Variants in ZRANB3 observed in about 807,000 individuals in gnomAD.
The protein encoded by ZRANB3 is zinc finger RANBP2-type containing 3.
A neutral mutation model predicts 133.8 loss-of-function variants in ZRANB3; 125 were observed. The observed-to-expected ratio is 0.93, with a 90% CI of 0.81 to 1.08. The LOEUF is 1.08. Among genes scored for constraint, ZRANB3 ranks in the 50% least tolerant of loss-of-function variants. The pLI is 0.00. For missense variants in ZRANB3, 1,229 were observed against 1,275.5 expected (o/e 0.96, Z 0.56); for synonymous variants, 387 against 432.7 (o/e 0.89, Z 1.31).
intron 3 of ZRANB3, among the ~76,000 whole-genome samples, chr2:135,371,283 G>A (rs1686166805): frequency 6.6e-6 from 1 of 152,172 alleles, no homozygotes; most frequent in Non-Finnish European, 1.5e-5. Context: ...TGGTAGGAAT[G>A]TTTGCAACAT....
intron 6 of ZRANB3, among the ~76,000 whole-genome samples, chr2:135,325,891 T>C (rs1220524518): frequency 6.6e-6 from 1 of 152,098 alleles, no homozygotes; most frequent in African/African-American, 2.4e-5. Flanking sequence ...TAGATCTAAA[T>C]ACGAACATGG....
intron 12 of ZRANB3, among the ~76,000 whole-genome samples, chr2:135,262,362 A>G (rs953275690): frequency 6.6e-6 from 1 of 152,136 alleles, no homozygotes; most frequent in Non-Finnish European, 1.5e-5. Context: ...TAAACTTCAC[A>G]TTAAATTTTT....
intron 11 of ZRANB3, among the ~76,000 whole-genome samples, chr2:135,266,491 G>A (rs1680256124): frequency 6.6e-6 from 1 of 152,138 alleles, no homozygotes; most frequent in Non-Finnish European, 1.5e-5. Context: ...AAGAGGCCAG[G>A]AGCGGTGGCT....
intron 12 of ZRANB3, among the ~76,000 whole-genome samples, chr2:135,257,754 T>C (rs1475395893): frequency 6.6e-6 from 1 of 152,138 alleles, no homozygotes; most frequent in Non-Finnish European, 1.5e-5. Flanking sequence ...CAAATTGAAG[T>C]TTTTCAATGT....
intron 13 of ZRANB3, 22 bp downstream of exon 13, chr2:135,230,491 T>A: frequency 6.8e-7 from 1 of 1,473,818 alleles, no homozygotes; most frequent in Non-Finnish European, 9.0e-7. Flanking sequence ...CTTACCTCCA[T>A]GGTCACCTTC....
intron 8 of ZRANB3, among the ~76,000 whole-genome samples, chr2:135,289,370 C>T (rs1172603095): frequency 6.6e-6 from 1 of 152,114 alleles, no homozygotes; most frequent in Admixed American, 6.5e-5. Context: ...ATTCTCCTGC[C>T]TCAGCCTCCC....
chr2:135,458,875 AAATTAT>A (rs1275097658), intron 2 of ZRANB3, among the ~76,000 whole-genome samples: 6 of 152,158 alleles, frequency 3.9e-5, no homozygotes, highest in African/African-American at 1.4e-4. Context: ...AAATATTCCC[AAATTAT>A]AAAAAGGGAC....
At chr2:135,269,887 G>A (rs556976963) in intron 10 of ZRANB3, among the ~76,000 whole-genome samples, 22 of 152,270 alleles carry the variant, frequency 1.4e-4, no homozygotes, top group African/African-American at 5.1e-4. Context: ...ATGACATTAG[G>A]TGGTAAACAG....
chr2:135,310,080 G>T (rs186372991), intron 8 of ZRANB3, among the ~76,000 whole-genome samples: 22 of 152,216 alleles, frequency 1.4e-4, no homozygotes, highest in Admixed American at 8.5e-4. Context: ...GGGATTACAG[G>T]TGTGCAACAC....
chr2:135,307,362 G>A (rs952211253), intron 8 of ZRANB3, among the ~76,000 whole-genome samples: 12 of 152,172 alleles, frequency 7.9e-5, no homozygotes, highest in East Asian at 5.8e-4. Flanking sequence ...CACCACACCC[G>A]GCCAGATTTT....
At chr2:135,372,321 C>A (rs931750481) in intron 3 of ZRANB3, among the ~76,000 whole-genome samples, 3 of 152,146 alleles carry the variant, frequency 2.0e-5, no homozygotes, top group African/African-American at 4.8e-5. Flanking sequence ...GCCCCCAGAA[C>A]TGTGAGAAAT....
At chr2:135,406,359 C>G (rs910638634) in intron 2 of ZRANB3, among the ~76,000 whole-genome samples, 6 of 152,126 alleles carry the variant, frequency 3.9e-5, no homozygotes, top group African/African-American at 1.4e-4. Context: ...AAGCCCAGGA[C>G]CAGATGGATT....
Position 135,350,122 on chromosome 2 carries a change from G to A in ZRANB3, c.453C>T (p.Phe151=). ...GTGATTCATCCACTATAACTACTTT[G>A]AAGTTCTGATTATTCAGTGCATCTA... ...TLIDALNNQN[F]KVVIVDESHY... is the part of the protein sequence containing the mutation. Residue 151 remains phenylalanine (F), a synonymous_variant, in exon 5 of 21, where the codon TTC becomes TTT. Transcript: ENST00000264159. The A allele has an allele frequency of 2.5e-6, 4 of 1,613,626 alleles. No individual in the cohort carries two copies. The highest frequency in any genetic ancestry group is 3.4e-6 in the Non-Finnish European group (4 of 1,179,822).
chr2:135,279,854 T>C (rs539575293), intron 8 of ZRANB3, among the ~76,000 whole-genome samples: 1 of 152,364 alleles, frequency 6.6e-6, no homozygotes, highest in South Asian at 2.1e-4. Context: ...ATTTGTGATA[T>C]TGCTTTTTAG....
At chr2:135,404,850 C>T (rs1330628869) in intron 2 of ZRANB3, among the ~76,000 whole-genome samples, 1 of 151,882 alleles carries the variant, frequency 6.6e-6, no homozygotes, top group Non-Finnish European at 1.5e-5. Context: ...TCCAGCCAAA[C>T]TACGCTGCAA....
intron 17 of ZRANB3, among the ~76,000 whole-genome samples, chr2:135,214,415 T>C (rs989165031): frequency 6.6e-6 from 1 of 151,958 alleles, no homozygotes; most frequent in African/African-American, 2.4e-5. Context: ...ATAAATAATA[T>C]TGTGTCTGAC....
intron 4 of ZRANB3, among the ~76,000 whole-genome samples, chr2:135,351,324 G>A (rs548925033): frequency 1.0e-4 from 15 of 144,294 alleles, no homozygotes; most frequent in Non-Finnish European, 1.5e-4. Flanking sequence ...CTGGAGTGCA[G>A]TGGCATGATC....
At chr2:135,515,926 G>A (rs1459765398) in intron 1 of ZRANB3, among the ~76,000 whole-genome samples, 1 of 152,064 alleles carries the variant, frequency 6.6e-6, no homozygotes, top group Non-Finnish European at 1.5e-5. Context: ...TCTCTTTGTA[G>A]GTCTCTAAGA....
At chr2:135,344,166 A>C (rs764100535) in intron 6 of ZRANB3, among the ~76,000 whole-genome samples, 76 of 152,218 alleles carry the variant, frequency 5.0e-4, no homozygotes, top group Non-Finnish European at 8.4e-4. Flanking sequence ...CAAGGCAGGC[A>C]TAATAATTTG....
Sources: gnomAD v4.1 joint callset for allele counts (sites outside exome capture counted in the v4.1 genomes callset) on GRCh38, gnomAD v4.1.1 for gene constraint, MANE v1.5 for transcripts, NCBI Gene and HGNC (gene_info 2026-07-23, HGNC 2026-07-21) for gene names.